The following STIL variants were observed in gnomAD, a reference collection of about 807,000 sequenced individuals.
STIL encodes the protein STIL centriolar assembly protein, also known as SCL-interrupting locus protein.
A neutral mutation model predicts 110.1 loss-of-function variants in STIL; 55 were observed. The observed-to-expected ratio is 0.50, with a 90% CI of 0.40 to 0.63. The LOEUF (loss-of-function observed/expected upper bound fraction) is 0.63, where lower values mean the gene tolerates loss of function less well. Ranked by LOEUF, STIL falls within the 20% of genes least tolerant of loss-of-function variation. The probability of loss-of-function intolerance (pLI) is 0.00; values close to 1 mark genes in which losing one functional copy is unlikely to be tolerated. For missense variants in STIL, 1,358 were observed against 1,530.0 expected, an observed-to-expected ratio of 0.89 and a Z score of 1.87; for synonymous variants, 481 against 530.0, an observed-to-expected ratio of 0.91 and a Z score of 1.27.
At chr1:47,255,552 A>C (rs960147633) in intron 16 of STIL, among the ~76,000 whole-genome samples, 5 of 105,394 alleles carry the variant, frequency 4.7e-5, no homozygotes, top group African/African-American at 1.7e-4. Context: ...CTGTCTCTCA[A>C]AAAAAAAAAA....
At chr1:47,276,789 G>A (rs1392025923) in intron 12 of STIL, among the ~76,000 whole-genome samples, 1 of 135,690 alleles carries the variant, frequency 7.4e-6, no homozygotes, top group African/African-American at 2.8e-5. Flanking sequence ...ACTCTAGCCT[G>A]GGTGAAAGAG....
intron 16 of STIL, among the ~76,000 whole-genome samples, chr1:47,257,988 T>TA (rs1450785838): frequency 6.6e-6 from 1 of 152,258 alleles, no homozygotes; most frequent in African/African-American, 2.4e-5. Context: ...GAAAGCAACT[T>TA]AGCAACAGCT....
intron 14 of STIL, among the ~76,000 whole-genome samples, chr1:47,266,748 CAGTT>C (rs1270249420): frequency 6.6e-6 from 1 of 152,224 alleles, no homozygotes; most frequent in East Asian, 1.9e-4. Flanking sequence ...GTTTATTAAT[CAGTT>C]AGTATCTTAA....
In STIL at chr1:47,310,338, T is replaced by A; in HGVS notation, c.-19A>T. 1 of 1,611,476 alleles carries A rather than the reference T, an allele frequency of 6.2e-7. No individual in the cohort carries two copies. The highest frequency in any genetic ancestry group is 2.2e-5 in the East Asian group (1 of 44,800). On this transcript the variant is annotated 5_prime_UTR_variant, in exon 2 of 17. Transcript: ENST00000371877. Reference sequence around the variant, plus strand: ...GCTCCATGATGTCTGGTGAATGATTTCTTTAATTCCAAATCCTCAGTATCC... The same window carrying A: ...GCTCCATGATGTCTGGTGAATGATTACTTTAATTCCAAATCCTCAGTATCC...
intron 7 of STIL, among the ~76,000 whole-genome samples, chr1:47,294,245 A>T (rs1645577712): frequency 6.6e-6 from 1 of 152,156 alleles, no homozygotes; most frequent in Non-Finnish European, 1.5e-5. Context: ...ACAAATACTA[A>T]GTGTTCACTT....
At chr1:47,301,377 G>T (rs1052114761) in intron 5 of STIL, among the ~76,000 whole-genome samples, 184 bp downstream of exon 5, 1 of 152,034 alleles carries the variant, frequency 6.6e-6, no homozygotes. Context: ...CTTCTGAAAG[G>T]CTACTCATAT....
chr1:47,268,823 G>A (rs1477881197), intron 14 of STIL, among the ~76,000 whole-genome samples: 1 of 151,836 alleles, frequency 6.6e-6, no homozygotes, highest in African/African-American at 2.4e-5. Flanking sequence ...GCCAGGTGTG[G>A]TGGCTCACGC....
In STIL at chr1:47,269,684, T is replaced by G; in HGVS notation, c.2566A>C (p.Ser856Arg). The change falls in exon 14 of 17, where the codon AGC becomes CGC. Residue 856 changes from serine to arginine, a missense_variant. Ser to Arg is a moderately radical substitution (Grantham distance 110). Coordinates refer to ENST00000371877, the MANE Select transcript of STIL (RefSeq NM_001048166.1). ...AATTCTTCTTCCACAGCAATGTTGC[T>G]CTCTTCAAAACTGGGAATATCAACT... Reference protein sequence around the residue: ...KAVDIPSFEESNIAVEEEFNQ... With the variant: ...KAVDIPSFEERNIAVEEEFNQ... 1 of 1,614,198 alleles carries G rather than the reference T, an allele frequency of 6.2e-7. No homozygotes were observed. Among genetic ancestry groups the G allele is most frequent in the Non-Finnish European group, 8.5e-7 (1 of 1,180,026 alleles).
chr1:47,263,744 GTTTTTTTTTTTTTTTTT>G (rs60915271), intron 14 of STIL, among the ~76,000 whole-genome samples: 4 of 98,312 alleles, frequency 4.1e-5, no homozygotes, highest in Non-Finnish European at 5.9e-5. Context: ...TTCATTCCAA[GTTTTTTTTTTTTTTTTT>G]TTTTTTTTTG....
At chr1:47,299,041 T>TTC (rs1645724821) in intron 6 of STIL, among the ~76,000 whole-genome samples, 1 of 151,600 alleles carries the variant, frequency 6.6e-6, no homozygotes, top group African/African-American at 2.4e-5. Flanking sequence ...CACTTTTTTT[T>TTC]TTTTTTTAGA....
At chr1:47,262,030 A>G (rs1644502070) in intron 15 of STIL, among the ~76,000 whole-genome samples, 1 of 152,188 alleles carries the variant, frequency 6.6e-6, no homozygotes, top group Admixed American at 6.5e-5. Flanking sequence ...TTCAGTTATA[A>G]ATTAGGCCTT....
chr1:47,299,749 G>A (rs1366697970), intron 6 of STIL, 156 bp downstream of exon 6: 16 of 877,260 alleles, frequency 1.8e-5, no homozygotes, highest in African/African-American at 8.5e-5. Context: ...CATATTCAAC[G>A]AAAATAAACC....
chr1:47,302,422 T>G, intron 3 of STIL, 76 bp from the exon 4 acceptor site: 1 of 1,079,372 alleles, frequency 9.3e-7, no homozygotes, highest in Non-Finnish European at 1.4e-6. Context: ...AAATGCTGTC[T>G]AAATTATAAC....
intron 2 of STIL, among the ~76,000 whole-genome samples, chr1:47,309,393 A>G (rs1263375903): frequency 6.6e-6 from 1 of 151,990 alleles, no homozygotes; most frequent in African/African-American, 2.4e-5. Flanking sequence ...CAGCCTCCCA[A>G]AGTGCTAGGA....
rs184905362 is a variant in STIL at position 47,310,993 on chromosome 1, G to A, written c.-43-631C>T. On this transcript the variant is annotated intron_variant, in intron 1 of 16. Transcript: ENST00000371877. ...CTCCTGAGTAGCTGAGACTGCAGGTGCGCACCACCATGCCCAGCTAATTTT... is the reference window on the plus strand; with the variant it reads ...CTCCTGAGTAGCTGAGACTGCAGGTACGCACCACCATGCCCAGCTAATTTT... Among the ~76,000 whole-genome samples the A allele has an allele frequency of 1.2e-3, 177 of 152,078 alleles. 1 individual carries two copies. Among genetic ancestry groups the A allele is most frequent in the African/African-American group, 4.1e-3 (170 of 41,478 alleles).
rs1004304238 is a variant in STIL at position 47,281,141 on chromosome 1, G to A, written c.1317C>T (p.Asn439=). ...LVLDGNFIES[N]PLPTPLEMVN... ...CCATTTCCAATGGAGTAGGCAGAGG[G>A]TTTGATTCTATGAAATTGCCATCCA... Residue 439 remains asparagine (N), a synonymous_variant, in exon 12 of 17, where the codon AAC becomes AAT. Coordinates refer to ENST00000371877, the MANE Select transcript of STIL (RefSeq NM_001048166.1). The A allele has an allele frequency of 1.2e-6, 2 of 1,613,886 alleles. No homozygotes were observed. The highest frequency in any genetic ancestry group is 1.7e-5 in the Admixed American group (1 of 59,954).
chr1:47,275,077 G>A (rs932602541), intron 12 of STIL, among the ~76,000 whole-genome samples: 3 of 151,834 alleles, frequency 2.0e-5, no homozygotes, highest in Non-Finnish European at 2.9e-5. Flanking sequence ...ACTTGCACCT[G>A]GAAGGCAGAG....
intron 12 of STIL, among the ~76,000 whole-genome samples, chr1:47,274,600 A>G (rs1358877664): frequency 2.7e-5 from 4 of 146,748 alleles, no homozygotes; most frequent in Non-Finnish European, 6.0e-5. Flanking sequence ...TACAGGCGTG[A>G]GCCACCACAC....
At chr1:47,270,242 ATAT>A (rs1334361128) in intron 13 of STIL, among the ~76,000 whole-genome samples, 38 of 87,656 alleles carry the variant, frequency 4.3e-4, no homozygotes, top group African/African-American at 1.9e-3. Flanking sequence ...AAAAAAAAAA[ATAT>A]ATATATATAT....
Sources: allele counts gnomAD v4.1 joint callset (sites outside exome capture counted in the v4.1 genomes callset), GRCh38; gene constraint gnomAD v4.1.1; transcripts MANE v1.5; gene names NCBI Gene and HGNC (gene_info 2026-07-23, HGNC 2026-07-21).